PCNX1: variants seen among roughly 807,000 people sequenced by gnomAD.
PCNX1 encodes the protein pecanex 1, also known as pecanex-like protein 1.
A neutral mutation model predicts 242.2 loss-of-function variants in PCNX1; 78 were observed. The ratio of observed to expected loss-of-function variants is 0.32; its 90% CI spans 0.27 to 0.39. The LOEUF (loss-of-function observed/expected upper bound fraction) is 0.39, where lower values mean the gene tolerates loss of function less well. Among genes scored for constraint, PCNX1 ranks in the 10% least tolerant of loss-of-function variants. PCNX1 has a pLI of 1.00. For missense variants in PCNX1, 2,581 were observed against 2,856.5 expected, an observed-to-expected ratio of 0.90 and a Z score of 2.20; for synonymous variants, 1,024 against 1,032.9, an observed-to-expected ratio of 0.99 and a Z score of 0.17.
At position 71,033,529 on chromosome 14, in the gene PCNX1, C is replaced by G; in HGVS notation, c.3659C>G (p.Ser1220Cys). 6.4e-7 allele frequency: 1 copy of G among 1,556,856 alleles called. No homozygotes were observed. The highest frequency in any genetic ancestry group is 8.8e-7 in the Non-Finnish European group (1 of 1,131,220). ...YHLSRQSSDP[S>C]VLFSLVQSKI... ...CTCAGCCGACAAAGCAGTGATCCAT[C>G]TGTACTTTTGTAAGTGAACTCAATT... The change falls in exon 17 of 36, where the codon TCT becomes TGT. Residue 1220 changes from serine (S) to cysteine (C), a missense_variant. Coordinates refer to ENST00000304743, the MANE Select transcript of PCNX1 (RefSeq NM_014982.3).
Position 71,049,146 on chromosome 14 carries a change from GTAAA to G in PCNX1, c.4338+1166_4338+1169del, listed in dbSNP as rs202228582. 6.1e-3 allele frequency: 5,092 copies of G among 831,616 alleles called. 14 individuals are homozygous for G. The highest frequency in any genetic ancestry group is 0.011 in the South Asian group (205 of 17,926). 51.5% of individuals were successfully genotyped at this position (831,616 alleles called of 1,614,324 possible). A position where few individuals can be genotyped will look rare whatever the true frequency, so the allele number is the denominator to read the frequency against. On this transcript the variant is annotated intron_variant, in intron 22 of 35. Coordinates refer to ENST00000304743, the MANE Select transcript of PCNX1 (RefSeq NM_014982.3). ...AGTGAAAGTTGCAGTAAAATATAAA[GTAAA>G]TAATCTTTGAAATGTAGTTGCTACA...
chr14:71,019,691 C>T (rs1012333297), intron 12 of PCNX1, among the ~76,000 whole-genome samples: 2 of 152,050 alleles, frequency 1.3e-5, no homozygotes, highest in Non-Finnish European at 2.9e-5. Flanking sequence ...TGAGCCACTG[C>T]GCCTGGCCTA....
At chr14:70,994,002 C>G (rs2059250092) in intron 7 of PCNX1, among the ~76,000 whole-genome samples, 1 of 152,054 alleles carries the variant, frequency 6.6e-6, no homozygotes. Flanking sequence ...TAAATAAATA[C>G]TTTTATCATT....
intron 2 of PCNX1, 121 bp from the exon 3 acceptor site, chr14:70,962,105 G>T: frequency 3.0e-6 from 2 of 656,408 alleles, no homozygotes; most frequent in Admixed American, 2.4e-5. Context: ...GCTATTTGCT[G>T]GATTAAAAAT....
chr14:70,992,277 A>G (rs1044339983), intron 7 of PCNX1, among the ~76,000 whole-genome samples: 5 of 152,284 alleles, frequency 3.3e-5, no homozygotes, highest in South Asian at 4.1e-4. Flanking sequence ...AGGGAAGGGG[A>G]AAAACGCTTT....
intron 26 of PCNX1, chr14:71,060,667 G>A (rs2061304223): frequency 2.0e-5 from 3 of 152,158 alleles, no homozygotes; most frequent in Admixed American, 2.0e-4. Flanking sequence ...TTCCACCATA[G>A]CTGTGATCTT....
chr14:70,951,247 T>C (rs945554277), intron 2 of PCNX1, among the ~76,000 whole-genome samples: 1 of 152,188 alleles, frequency 6.6e-6, no homozygotes, highest in Non-Finnish European at 1.5e-5. Flanking sequence ...TGCTTCATCT[T>C]TCTGCCTTTT....
intron 6 of PCNX1, among the ~76,000 whole-genome samples, chr14:70,985,132 T>C (rs1262849007): frequency 6.6e-6 from 1 of 152,240 alleles, no homozygotes; most frequent in Admixed American, 6.5e-5. Flanking sequence ...TTAAACTTAA[T>C]TGAGTGATTG....
intron 1 of PCNX1, among the ~76,000 whole-genome samples, chr14:70,936,178 C>T (rs34219222): frequency 0.042 from 6,419 of 152,150 alleles, 269 homozygotes; most frequent in East Asian, 0.25. Flanking sequence ...ATGAGCACAA[C>T]GTGCAGCTTT....
At chr14:70,968,310 CAG>C in intron 4 of PCNX1, 67 bp downstream of exon 4, 1 of 880,868 alleles carries the variant, frequency 1.1e-6, no homozygotes, top group Non-Finnish European at 1.8e-6. Flanking sequence ...ATGAAGATAA[CAG>C]TACTGTACAT....
chr14:71,024,474 A>G (rs921065766), intron 13 of PCNX1, among the ~76,000 whole-genome samples: 1 of 151,846 alleles, frequency 6.6e-6, no homozygotes, highest in African/African-American at 2.4e-5. Flanking sequence ...CCATCCCTCA[A>G]TTTGAGTTTG....
intron 23 of PCNX1, among the ~76,000 whole-genome samples, chr14:71,051,168 C>CAAAAAAAAAAAAAA: frequency 2.4e-5 from 1 of 41,760 alleles, no homozygotes. Context: ...AACTCTGTCT[C>CAAAAAAAAAAAAAA]AAAAAAAAAA....
chr14:70,978,041 G>A lies in PCNX1; in HGVS notation c.1704G>A (p.Arg568=). 6.2e-7 allele frequency: 1 copy of A among 1,614,090 alleles called. No homozygotes were observed. Among genetic ancestry groups the A allele is most frequent in the Non-Finnish European group, 8.5e-7 (1 of 1,180,018 alleles). ...KSGRRRTGKK[R]ASSFDSSRHR... ...GCAGGAGACGCACAGGAAAAAAACG[G>A]GCTAGCAGTTTTGATTCAAGCCGGC... is the stretch of plus-strand genomic sequence containing the variant. The change falls in exon 6 of 36, where the codon CGG becomes CGA. Residue 568 remains arginine (R), a synonymous_variant. Transcript: ENST00000304743.
At chr14:70,962,593 T>C (rs2058255451) in intron 3 of PCNX1, among the ~76,000 whole-genome samples, 1 of 152,250 alleles carries the variant, frequency 6.6e-6, no homozygotes, top group Non-Finnish European at 1.5e-5. Flanking sequence ...CTTAGGAAAT[T>C]TAGCTTCTAG....
intron 16 of PCNX1, among the ~76,000 whole-genome samples, chr14:71,030,956 G>C (rs192636036): frequency 7.6e-4 from 115 of 152,052 alleles, no homozygotes; most frequent in African/African-American, 2.6e-3. Flanking sequence ...TTACATTTGT[G>C]TTATGTTTAA....
At chr14:71,090,651 A>T (rs1256641895) in intron 30 of PCNX1, among the ~76,000 whole-genome samples, 1 of 152,248 alleles carries the variant, frequency 6.6e-6, no homozygotes, top group Non-Finnish European at 1.5e-5. Context: ...AAAAAAGGTA[A>T]TTCTTCAGAT....
chr14:70,944,340 G>A (rs1208897813), intron 1 of PCNX1, among the ~76,000 whole-genome samples: 2 of 152,236 alleles, frequency 1.3e-5, no homozygotes, highest in Non-Finnish European at 2.9e-5. Flanking sequence ...GTGAGACATG[G>A]AGTCAAAGGA....
chr14:71,055,146 C>G (rs992059880), intron 24 of PCNX1, among the ~76,000 whole-genome samples: 4 of 152,148 alleles, frequency 2.6e-5, no homozygotes, highest in Admixed American at 1.3e-4. Context: ...ATACATACAC[C>G]TTCCTTTGGC....
At position 71,047,969 on chromosome 14, in the gene PCNX1, C is replaced by T. The variant is rs1463447883; in HGVS notation, c.4323C>T (p.Ser1441=). 6.2e-7 allele frequency: 1 copy of T among 1,610,620 alleles called. No homozygotes were observed. The highest frequency in any genetic ancestry group is 1.1e-5 in the South Asian group (1 of 90,848). The part of the protein sequence containing the change: ...ETMLLDLFFM[S]ILFNKLWELL... ...TGCTGTTGGATCTCTTCTTTATGTCCATACTCTTCAACAAGGTAATTTATC... is the reference window on the plus strand; with the variant it reads ...TGCTGTTGGATCTCTTCTTTATGTCTATACTCTTCAACAAGGTAATTTATC... Residue 1441 remains serine, a synonymous_variant, in exon 22 of 36, where the codon TCC becomes TCT. Coordinates refer to ENST00000304743, the MANE Select transcript of PCNX1 (RefSeq NM_014982.3).
Sources: allele counts gnomAD v4.1 joint callset (sites outside exome capture counted in the v4.1 genomes callset), GRCh38; gene constraint gnomAD v4.1.1; transcripts MANE v1.5; gene names NCBI Gene and HGNC (gene_info 2026-07-23, HGNC 2026-07-21).